Variants in MTHFD2L observed in about 807,000 individuals in gnomAD.
MTHFD2L encodes the protein methylenetetrahydrofolate dehydrogenase (NADP+ dependent) 2 like.
A neutral mutation model predicts 34.9 loss-of-function variants in MTHFD2L; 29 were observed. The observed-to-expected ratio is 0.83, with a 90% CI of 0.62 to 1.13. The LOEUF (loss-of-function observed/expected upper bound fraction) is 1.13, where lower values mean the gene tolerates loss of function less well. Ranked by LOEUF, MTHFD2L falls within the 50% of genes most tolerant of loss-of-function variation. The pLI is 0.00. For missense variants in MTHFD2L, 481 were observed against 446.5 expected, an observed-to-expected ratio of 1.08 and a Z score of -0.70; for synonymous variants, 167 against 155.7, an observed-to-expected ratio of 1.07 and a Z score of -0.54.
chr4:74,171,191 A>G (rs530248132), intron 1 of MTHFD2L, among the ~76,000 whole-genome samples: 4 of 152,188 alleles, frequency 2.6e-5, no homozygotes, highest in African/African-American at 7.2e-5. Context: ...CAAAAGACTT[A>G]ATTATTTAAT....
chr4:74,170,921 T>C (rs1379005597), intron 1 of MTHFD2L, among the ~76,000 whole-genome samples: 2 of 128,692 alleles, frequency 1.6e-5, no homozygotes, highest in African/African-American at 6.1e-5. Flanking sequence ...AGGTGGGAAT[T>C]GAACAATAAG....
intron 6 of MTHFD2L, among the ~76,000 whole-genome samples, chr4:74,260,394 T>C (rs1744531994): frequency 6.6e-6 from 1 of 152,128 alleles, no homozygotes; most frequent in Non-Finnish European, 1.5e-5. Flanking sequence ...TTGTCTCTCT[T>C]GGTGCAAGAA....
At chr4:74,148,001 G>T (rs1047700430) in intron 1 of MTHFD2L, among the ~76,000 whole-genome samples, 5 of 152,064 alleles carry the variant, frequency 3.3e-5, no homozygotes, top group South Asian at 2.1e-4. Flanking sequence ...CTGCACAGAA[G>T]TTTCTTATAA....
intron 1 of MTHFD2L, chr4:74,160,218 A>C (rs916439538): frequency 6.3e-6 from 4 of 638,160 alleles, no homozygotes; most frequent in East Asian, 6.7e-5. Context: ...TTTGCCATGA[A>C]ATTTACACCT....
At chr4:74,149,678 G>T (rs891532533) in intron 1 of MTHFD2L, among the ~76,000 whole-genome samples, 1 of 152,152 alleles carries the variant, frequency 6.6e-6, no homozygotes, top group Non-Finnish European at 1.5e-5. Flanking sequence ...GAAGCACCTA[G>T]ATTTATTCAT....
At chr4:74,281,813 T>A (rs2110279100) in intron 7 of MTHFD2L, among the ~76,000 whole-genome samples, 1 of 152,182 alleles carries the variant, frequency 6.6e-6, no homozygotes, top group African/African-American at 2.4e-5. Context: ...ATCAAATTTC[T>A]TATAGTACAG....
chr4:74,237,869 CT>C (rs1163682753), intron 6 of MTHFD2L, among the ~76,000 whole-genome samples: 1 of 152,180 alleles, frequency 6.6e-6, no homozygotes, highest in African/African-American at 2.4e-5. Context: ...TGAGAAATTA[CT>C]GTCTTCAATG....
chr4:74,144,305 T>C (rs1052095596), intron 1 of MTHFD2L, among the ~76,000 whole-genome samples: 2 of 151,950 alleles, frequency 1.3e-5, no homozygotes, highest in African/African-American at 4.8e-5. Flanking sequence ...ATGCAAAAAT[T>C]AGCTGGGCAT....
intron 1 of MTHFD2L, among the ~76,000 whole-genome samples, chr4:74,131,886 A>G (rs1179350749): frequency 6.6e-6 from 1 of 152,220 alleles, no homozygotes; most frequent in Non-Finnish European, 1.5e-5. Flanking sequence ...CAAATTTACA[A>G]GAAAAACAAA....
At chr4:74,291,970 G>A (rs569040079) in intron 7 of MTHFD2L, among the ~76,000 whole-genome samples, 3 of 152,152 alleles carry the variant, frequency 2.0e-5, no homozygotes, top group African/African-American at 7.2e-5. Context: ...TTTACTATAA[G>A]AGAAGATCTT....
intron 4 of MTHFD2L, 89 bp downstream of exon 4, chr4:74,200,035 A>G (rs987744164): frequency 8.6e-7 from 1 of 1,164,154 alleles, no homozygotes; most frequent in South Asian, 1.5e-5. Context: ...CCTCAGTCCT[A>G]TAGAGTGACA....
chr4:74,244,511 C>T (rs1301716047), intron 6 of MTHFD2L, among the ~76,000 whole-genome samples: 1 of 84,438 alleles, frequency 1.2e-5, no homozygotes, highest in African/African-American at 2.8e-5. Flanking sequence ...CTTTGTAATA[C>T]TTATATGTTT....
chr4:74,251,362 T>C (rs1743283903), intron 6 of MTHFD2L, among the ~76,000 whole-genome samples: 1 of 152,248 alleles, frequency 6.6e-6, no homozygotes, highest in Non-Finnish European at 1.5e-5. Context: ...TCTCTTCTCC[T>C]AAGTACATGA....
intron 7 of MTHFD2L, among the ~76,000 whole-genome samples, chr4:74,292,870 C>T (rs1370611272): frequency 1.3e-5 from 2 of 151,736 alleles, no homozygotes; most frequent in East Asian, 3.9e-4. Context: ...TATTATTATA[C>T]TTTAAGTTTT....
chr4:74,197,334 A>G (rs537970038), intron 3 of MTHFD2L, among the ~76,000 whole-genome samples: 53 of 152,304 alleles, frequency 3.5e-4, no homozygotes, highest in African/African-American at 1.1e-3. Context: ...AGTCACAAAC[A>G]GGAAATGTAT....
intron 6 of MTHFD2L, among the ~76,000 whole-genome samples, chr4:74,229,993 A>G (rs1739765495): frequency 6.6e-6 from 1 of 152,126 alleles, no homozygotes; most frequent in South Asian, 2.1e-4. Flanking sequence ...ACAATATCTA[A>G]CACATAGTGG....
chr4:74,278,385 G>A lies in MTHFD2L; in HGVS notation c.806-3040G>A, dbSNP rs369747179. On this transcript the variant is annotated intron_variant, in intron 6 of 7. Coordinates refer to ENST00000325278, the MANE Select transcript of MTHFD2L (RefSeq NM_001144978.3). ...AGATTCTTCTTGATACTTAGAATCC[G>A]TCATTCCAAAATTACAACCCAGTAA... 3.9e-5 allele frequency among the ~76,000 whole-genome samples: 6 copies of A among 152,132 alleles called. No homozygotes were observed. In the South Asian group the frequency reaches 6.2e-4, roughly 16 times the overall value.
chr4:74,167,156 T>G (rs767999309), intron 1 of MTHFD2L, among the ~76,000 whole-genome samples: 6 of 152,200 alleles, frequency 3.9e-5, no homozygotes, highest in Non-Finnish European at 5.9e-5. Context: ...TAGCCCCCTG[T>G]GAGTTGAAGC....
intron 5 of MTHFD2L, among the ~76,000 whole-genome samples, chr4:74,203,449 A>G (rs1734780411): frequency 1.3e-5 from 2 of 152,192 alleles, no homozygotes; most frequent in African/African-American, 4.8e-5. Flanking sequence ...AGAAATACCT[A>G]AGACTGGGTA....
Sources: gnomAD v4.1 joint callset for allele counts (sites outside exome capture counted in the v4.1 genomes callset) on GRCh38, gnomAD v4.1.1 for gene constraint, MANE v1.5 for transcripts, NCBI Gene and HGNC (gene_info 2026-07-23, HGNC 2026-07-21) for gene names.